Variants in STK26 observed in about 807,000 individuals in gnomAD.
STK26 encodes the protein serine/threonine-protein kinase 26.
A neutral mutation model predicts 34.7 loss-of-function variants in STK26; 14 were observed. The ratio of observed to expected loss-of-function variants is 0.40; its 90% confidence interval spans 0.27 to 0.63. The LOEUF (loss-of-function observed/expected upper bound fraction) is 0.63. Ranked by LOEUF, STK26 falls within the 30% of genes least tolerant of loss-of-function variation. The pLI is 0.38. For synonymous variants in STK26, 100 were observed against 109.8 expected (o/e 0.91, Z 0.56); for missense variants, 226 against 309.1 (o/e 0.73, Z 2.02).
chrX:132,024,292 C>G (rs944495078), intron 2 of STK26, among the ~76,000 whole-genome samples: 1 of 111,483 alleles, frequency 9.0e-6, no homozygotes, highest in African/African-American at 3.3e-5. Flanking sequence ...TTCTCAGCCC[C>G]CTCCGTGCCT....
Position 132,074,558 on chromosome X carries a change from C to A in STK26, c.*399C>A. 8.6e-6 allele frequency: 1 copy of A among 115,698 alleles called. No individual in the cohort carries two copies. Among genetic ancestry groups the A allele is most frequent in the Non-Finnish European group, 1.8e-5 (1 of 56,162 alleles). The allele number at this position is 115,698 out of a possible 1,213,427, so 9.5% of individuals were successfully genotyped here. On this transcript the variant is annotated 3_prime_UTR_variant, in exon 12 of 12. Transcript: ENST00000394334. The stretch of plus-strand genomic sequence containing the variant: ...TTGTAAATTATCAAGCTTCAAAAAG[C>A]TTTTTTTTTTAAAAAAAAACATGCA...
intron 3 of STK26, among the ~76,000 whole-genome samples, chrX:132,062,436 C>T (rs1340718932): frequency 8.9e-6 from 1 of 112,485 alleles, no homozygotes; most frequent in Non-Finnish European, 1.9e-5. Flanking sequence ...CCCATTTCCT[C>T]TTGTTCAGCT....
At chrX:132,051,542 A>T (rs1321464737) in intron 2 of STK26, among the ~76,000 whole-genome samples, 1 of 111,664 alleles carries the variant, frequency 9.0e-6, no homozygotes, top group Non-Finnish European at 1.9e-5. Flanking sequence ...ACAAATGCAG[A>T]TAGAGTAATA....
chrX:132,034,331 G>T, intron 2 of STK26, among the ~76,000 whole-genome samples: 1 of 67,006 alleles, frequency 1.5e-5, no homozygotes, highest in African/African-American at 5.8e-5. Flanking sequence ...TTTTGAGACG[G>T]AGTCTCGCTC....
At chrX:132,050,424 C>A (rs940721872) in intron 2 of STK26, among the ~76,000 whole-genome samples, 14 of 111,904 alleles carry the variant, frequency 1.3e-4, no homozygotes, top group Non-Finnish European at 1.9e-5. Flanking sequence ...AGTCATCCCT[C>A]GGGATTCCAG....
intron 2 of STK26, among the ~76,000 whole-genome samples, chrX:132,028,978 G>C (rs1445261080): frequency 8.9e-6 from 1 of 112,359 alleles, no homozygotes; most frequent in Non-Finnish European, 1.9e-5. Flanking sequence ...TTAATGCAGA[G>C]GTGTTGAATA....
chrX:132,072,383 CT>C, intron 9 of STK26, 22 bp downstream of exon 9: 1 of 1,135,688 alleles, frequency 8.8e-7, no homozygotes, highest in East Asian at 3.0e-5. Context: ...GAGACAATTA[CT>C]TACTCTTCAT....
At chrX:132,053,061 A>G (rs1926739209) in intron 2 of STK26, among the ~76,000 whole-genome samples, 1 of 111,977 alleles carries the variant, frequency 8.9e-6, no homozygotes, top group African/African-American at 3.2e-5. Flanking sequence ...GAAATCAATA[A>G]TGATGGCACT....
Position 132,058,490 on chromosome X carries a change from C to A in STK26, c.273+3629C>A, listed in dbSNP as rs760571582. On this transcript the variant is annotated intron_variant, in intron 3 of 11. Transcript: ENST00000394334. ...GAAAATTGGTACTGATATGGTTTGA[C>A]AATTTTATTGGTTGCTTATTTATTC... Among the ~76,000 whole-genome samples the A allele has an allele frequency of 4.5e-5, 5 of 111,177 alleles. No individual in the cohort carries two copies. The South Asian group carries it at 1.9e-3, about 42-fold the overall frequency.
chrX:132,070,269 T>C (rs1927372753), intron 7 of STK26, among the ~76,000 whole-genome samples: 1 of 111,142 alleles, frequency 9.0e-6, no homozygotes, highest in Admixed American at 9.6e-5. Flanking sequence ...TGACCTCTAG[T>C]GATCTGCCCT....
chrX:132,054,973 C>T, intron 3 of STK26, 112 bp downstream of exon 3: 4 of 654,265 alleles, frequency 6.1e-6, no homozygotes, highest in Non-Finnish European at 9.1e-6. Flanking sequence ...TCTATGGCTT[C>T]CAGGCAGAAT....
At chrX:132,044,867 AAAC>A (rs1926444691) in intron 2 of STK26, among the ~76,000 whole-genome samples, 1 of 95,257 alleles carries the variant, frequency 1.0e-5, no homozygotes, top group African/African-American at 3.8e-5. Context: ...ATATAGAGAG[AAAC>A]GTATATAGAT....
At chrX:132,034,586 G>A (rs1023515999) in intron 2 of STK26, among the ~76,000 whole-genome samples, 3 of 111,384 alleles carry the variant, frequency 2.7e-5, no homozygotes, top group Non-Finnish European at 5.7e-5. Context: ...GAGCCACCGC[G>A]CCCGGCCAGG....
At chrX:132,033,225 C>T (rs1279091554) in intron 2 of STK26, among the ~76,000 whole-genome samples, 1 of 110,984 alleles carries the variant, frequency 9.0e-6, no homozygotes, top group African/African-American at 3.3e-5. Context: ...AATTTCTTCC[C>T]AAAGCCTCTG....
intron 3 of STK26, among the ~76,000 whole-genome samples, chrX:132,062,291 G>A (rs190943026): frequency 1.6e-3 from 181 of 112,134 alleles, no homozygotes; most frequent in African/African-American, 5.4e-3. Flanking sequence ...AGAGAGAGGT[G>A]TCCCTTGTAT....
chrX:132,061,736 C>G (rs148087916), intron 3 of STK26, among the ~76,000 whole-genome samples: 205 of 111,931 alleles, frequency 1.8e-3, no homozygotes, highest in South Asian at 3.0e-3. Flanking sequence ...CTTCAACCCT[C>G]TCCCATCCCC....
chrX:132,063,998 G>A (rs1271098468), intron 4 of STK26, among the ~76,000 whole-genome samples: 1 of 110,978 alleles, frequency 9.0e-6, no homozygotes, highest in East Asian at 2.8e-4. Flanking sequence ...AATGAGATTC[G>A]CACCCTTACA....
chrX:132,035,875 ACT>A (rs1394108082), intron 2 of STK26, among the ~76,000 whole-genome samples: 14 of 95,210 alleles, frequency 1.5e-4, no homozygotes, highest in African/African-American at 5.4e-4. Flanking sequence ...ACACACACAC[ACT>A]CATTCACAGT....
At chrX:132,041,389 G>A (rs1262834003) in intron 2 of STK26, among the ~76,000 whole-genome samples, 1 of 111,829 alleles carries the variant, frequency 8.9e-6, no homozygotes, top group African/African-American at 3.2e-5. Context: ...AAGTCCTTTT[G>A]GGGTAGGCAG....
Sources: gnomAD v4.1 joint callset for allele counts (sites outside exome capture counted in the v4.1 genomes callset) on GRCh38, gnomAD v4.1.1 for gene constraint, MANE v1.5 for transcripts, NCBI Gene and HGNC (gene_info 2026-07-23, HGNC 2026-07-21) for gene names.